Variants in ERCC2 observed in about 807,000 individuals in gnomAD.
ERCC2 encodes ERCC excision repair 2, TFIIH core complex helicase subunit, also known as general transcription and DNA repair factor IIH helicase subunit XPD.
ERCC2 carries 90 observed loss-of-function variants against 99.4 expected under a neutral mutation model. The ratio of observed to expected loss-of-function variants is 0.91; its 90% confidence interval spans 0.76 to 1.08. ERCC2 has a LOEUF of 1.08. Ranked by LOEUF, ERCC2 falls within the 50% of genes least tolerant of loss-of-function variation. The pLI, the probability that ERCC2 is intolerant of heterozygous loss-of-function variation, is 0.00. For missense variants in ERCC2, 993 were observed against 1,038.1 expected, an observed-to-expected ratio of 0.96 and a Z score of 0.60; for synonymous variants, 497 against 432.4, an observed-to-expected ratio of 1.15 and a Z score of -1.85.
chr19:45,351,850 C>G, intron 22 of ERCC2, 129 bp from the exon 23 acceptor site: 2 of 822,830 alleles, frequency 2.4e-6, no homozygotes, highest in East Asian at 2.6e-5. Context: ...TGGAGATGTC[C>G]GTATAATCCA....
chr19:45,357,755 C>T, intron 12 of ERCC2, 56 bp from the exon 13 acceptor site: 1 of 1,492,022 alleles, frequency 6.7e-7, no homozygotes, highest in Non-Finnish European at 9.3e-7. Flanking sequence ...ACAGCTGCAC[C>T]CACTCAGTCA....
intron 15 of ERCC2, among the ~76,000 whole-genome samples, chr19:45,356,630 T>C (rs1972022569): frequency 6.6e-6 from 1 of 152,106 alleles, no homozygotes; most frequent in South Asian, 2.1e-4. Flanking sequence ...GCCAACGTGG[T>C]GAAACCCCGT....
rs936836311 is a variant in ERCC2, at chr19:45,365,317, A to G, written c.361-159T>C. Among the ~76,000 whole-genome samples the G allele has an allele frequency of 2.0e-5, 3 of 152,208 alleles. No individual in the cohort carries two copies. The South Asian group carries it at 6.2e-4, about 31-fold the overall frequency. On this transcript the variant is annotated intron_variant, in intron 5 of 22. Transcript: ENST00000391945. The stretch of plus-strand genomic sequence containing the variant: ...ACGCGTGGGAACTTAATGCAGGGAT[A>G]CAAGAGTAGTAAAATTGGGCTGGGC...
chr19:45,352,050 T>C (rs1971815626), intron 22 of ERCC2, among the ~76,000 whole-genome samples, 159 bp downstream of exon 22: 1 of 152,022 alleles, frequency 6.6e-6, no homozygotes, highest in Non-Finnish European at 1.5e-5. Context: ...AATCTCCCCC[T>C]TCCCCCCAGA....
chr19:45,361,925 CTTTTTTTCTTTTTCT>C, intron 11 of ERCC2: 1 of 416,822 alleles, frequency 2.4e-6, no homozygotes, highest in Admixed American at 3.7e-5. Flanking sequence ...TAAGTGGGTT[CTTTTTTTCTTTTTCT>C]TTTTTTTCTT....
At chr19:45,362,354 T>C (rs1298959897) in intron 11 of ERCC2, among the ~76,000 whole-genome samples, 1 of 152,190 alleles carries the variant, frequency 6.6e-6, no homozygotes, top group African/African-American at 2.4e-5. Flanking sequence ...CTCACGCACC[T>C]ATGGGGACAC....
At chr19:45,364,662 G>C in intron 7 of ERCC2, 115 bp from the exon 8 acceptor site, 1 of 1,503,526 alleles carries the variant, frequency 6.7e-7, no homozygotes, top group East Asian at 2.3e-5. Flanking sequence ...ACACAGGCCA[G>C]GCAGAAGTAT....
chr19:45,364,259 T>A lies in ERCC2; in HGVS notation c.791A>T (p.Glu264Val). 1 of 1,613,896 alleles carries A rather than the reference T, an allele frequency of 6.2e-7. No individual in the cohort carries two copies. The highest frequency in any genetic ancestry group is 8.5e-7 in the Non-Finnish European group (1 of 1,179,954). Reference protein sequence around the residue: ...RTLDRCQGNLETLQKTVLRIK... With the variant: ...RTLDRCQGNLVTLQKTVLRIK... ...CCTGAGCACCGTCTTCTGCAGGGTC[T>A]CCAGGTTGCCCTGGCACCGGTCAAG... Residue 264 changes from glutamate to valine, a missense_variant, in exon 9 of 23, where the codon GAG (glutamate) becomes GTG (valine). By Grantham distance (121) the Glu-to-Val change is moderately radical (BLOSUM62 -2). Transcript: ENST00000391945.
At chr19:45,359,780 C>CT (rs552351088) in intron 12 of ERCC2, among the ~76,000 whole-genome samples, 2,828 of 142,212 alleles carry the variant, frequency 0.02, 70 homozygotes, top group African/African-American at 0.059. Flanking sequence ...CAGAAGAACT[C>CT]TTTTTTTTTT....
At position 45,353,288 on chromosome 19, in the gene ERCC2, G is replaced by T; in HGVS notation, c.1712C>A (p.Thr571Asn). Reference protein sequence around the residue: ...IQRNKLLFIETQDGAETSVAL... With the variant: ...IQRNKLLFIENQDGAETSVAL... The stretch of plus-strand genomic sequence containing the variant: ...GACACTGGTTTCGGCACCATCCTGG[G>T]TCTCAATAAAGAGCAGCTTGTTCCT... Residue 571 changes from threonine to asparagine, a missense_variant, in exon 18 of 23, where the codon ACC becomes AAC. By Grantham distance (65) the Thr-to-Asn change is moderately conservative. Coordinates refer to ENST00000391945, the MANE Select transcript of ERCC2 (RefSeq NM_000400.4). 3 of 1,614,022 alleles carry T rather than the reference G, an allele frequency of 1.9e-6. No homozygotes were observed. The highest frequency in any genetic ancestry group is 2.5e-6 in the Non-Finnish European group (3 of 1,179,986).
intron 20 of ERCC2, 43 bp downstream of exon 20, chr19:45,352,703 G>C (rs375281837): frequency 6.8e-6 from 11 of 1,613,894 alleles, no homozygotes; most frequent in East Asian, 4.5e-5. Context: ...CTCCTCCCTT[G>C]ATCCTAACAC....
At chr19:45,352,461 CT>C in intron 21 of ERCC2, 44 bp downstream of exon 21, 1 of 1,614,066 alleles carries the variant, frequency 6.2e-7, no homozygotes, top group African/African-American at 1.3e-5. Context: ...CAGCCTGGTT[CT>C]TGGAGCCTGG....
At chr19:45,363,475 G>A (rs527362992) in intron 11 of ERCC2, among the ~76,000 whole-genome samples, 2 of 152,240 alleles carry the variant, frequency 1.3e-5, no homozygotes, top group Admixed American at 1.3e-4. Flanking sequence ...CTCTGTAAAT[G>A]GTGCTCCCAC....
rs1568531971 is a variant in ERCC2, at chr19:45,352,740, A to G, written c.1902+6T>C. ...GTGGGACTCCCTGGGAGACAGAGCT[A>G]CTCACCTTGAGAATGCGGCTCTGTG... On this transcript the variant is annotated splice_donor_region_variant and intron_variant, in intron 20 of 22. Transcript: ENST00000391945. 16 of 1,613,628 alleles carry G rather than the reference A, an allele frequency of 9.9e-6. No homozygotes were observed. The highest frequency in any genetic ancestry group is 1.3e-5 in the Non-Finnish European group (15 of 1,179,894).
intron 2 of ERCC2, 24 bp downstream of exon 2, chr19:45,370,109 G>T (rs753110109): frequency 1.6e-5 from 26 of 1,610,936 alleles, no homozygotes; most frequent in Non-Finnish European, 2.1e-5. Flanking sequence ...TCGAGTGGGC[G>T]GGTCGGGCCC....
In ERCC2 at chr19:45,350,250, C is replaced by T. The variant is rs1971662318; in HGVS notation, c.*1379G>A. On this transcript the variant is annotated 3_prime_UTR_variant, in exon 23 of 23. Coordinates refer to ENST00000391945, the MANE Select transcript of ERCC2 (RefSeq NM_000400.4). ...CAGCCTGGGCAACATACCAAGACCC[C>T]TGTCTCTACAAAAAAAAAAAAAAAG... The T allele has an allele frequency of 1.1e-6, 1 of 933,946 alleles. No homozygotes were observed. The highest frequency in any genetic ancestry group is 2.5e-5 in the East Asian group (1 of 40,118). The allele number at this position is 933,946 out of a possible 1,614,324, so 57.9% of individuals were successfully genotyped here.
chr19:45,350,824 G>C lies in ERCC2; in HGVS notation c.*805C>G. ...CCCACCCCACCCCCACCCCCATCTT[G>C]CTCAAGAACCTTCCATGGCTCCCAT... is the stretch of plus-strand genomic sequence containing the variant. On this transcript the variant is annotated 3_prime_UTR_variant, in exon 23 of 23. Transcript: ENST00000391945. The C allele has an allele frequency of 9.6e-7, 1 of 1,039,254 alleles. No homozygotes were observed. Among genetic ancestry groups the C allele is most frequent in the East Asian group, 2.9e-5 (1 of 34,484 alleles). 64.4% of individuals were successfully genotyped at this position (1,039,254 alleles called of 1,614,324 possible).
In ERCC2 at chr19:45,368,622, G is replaced by A. The variant is rs1320834831; in HGVS notation, c.360+8C>T. 1.3e-6 allele frequency: 2 copies of A among 1,578,756 alleles called. No homozygotes were observed. The highest frequency in any genetic ancestry group is 1.1e-5 in the South Asian group (1 of 90,370). The stretch of plus-strand genomic sequence containing the variant: ...GGCTAAGGGCAAGGAGAAGGAACAG[G>A]TGCTCACCTCAGGGTGAATACACAA... On this transcript the variant is annotated splice_region_variant and intron_variant, in intron 5 of 22. Coordinates refer to ENST00000391945, the MANE Select transcript of ERCC2 (RefSeq NM_000400.4).
intron 2 of ERCC2, among the ~76,000 whole-genome samples, 177 bp downstream of exon 2, chr19:45,369,956 G>A (rs1972548813): frequency 6.6e-6 from 1 of 152,228 alleles, no homozygotes; most frequent in Non-Finnish European, 1.5e-5. Context: ...GATTACAGGC[G>A]CGAGCCACCG....
Sources: allele counts gnomAD v4.1 joint callset (sites outside exome capture counted in the v4.1 genomes callset), GRCh38; gene constraint gnomAD v4.1.1; transcripts MANE v1.5; gene names NCBI Gene and HGNC (gene_info 2026-07-23, HGNC 2026-07-21).